The following SPAG16 variants were observed in gnomAD, a reference collection of about 807,000 sequenced individuals.
The protein encoded by SPAG16 is sperm-associated antigen 16 protein.
SPAG16 carries 86 observed loss-of-function variants against 80.4 expected under a neutral mutation model. The ratio of observed to expected loss-of-function variants is 1.07; its 90% CI spans 0.90 to 1.28. SPAG16 has a LOEUF of 1.28. Ranked by LOEUF, SPAG16 falls within the 50% of genes most tolerant of loss-of-function variation. The probability of loss-of-function intolerance (pLI) is 0.00; values close to 1 mark genes in which losing one functional copy is unlikely to be tolerated. For synonymous variants in SPAG16, 294 were observed against 265.9 expected (o/e 1.11, Z -1.03); for missense variants, 870 against 765.3 (o/e 1.14, Z -1.61).
intron 10 of SPAG16, among the ~76,000 whole-genome samples, chr2:213,718,914 G>C (rs1239363610): frequency 6.6e-6 from 1 of 152,228 alleles, no homozygotes; most frequent in Non-Finnish European, 1.5e-5. Context: ...TCCACCTGCA[G>C]CCCTGGTGCG....
chr2:213,726,324 C>T (rs931019133), intron 10 of SPAG16, among the ~76,000 whole-genome samples: 1 of 152,212 alleles, frequency 6.6e-6, no homozygotes, highest in African/African-American at 2.4e-5. Flanking sequence ...TCCAGTCCTC[C>T]ACAGTGAGCT....
At chr2:213,294,358 A>G (rs1180809711) in intron 1 of SPAG16, among the ~76,000 whole-genome samples, 1 of 152,212 alleles carries the variant, frequency 6.6e-6, no homozygotes, top group Non-Finnish European at 1.5e-5. Context: ...AAGCCTTATG[A>G]TCTTTAAAGA....
In SPAG16 at chr2:213,517,172, C is replaced by T. The variant is rs192876896; in HGVS notation, c.1070+27082C>T. On this transcript the variant is annotated intron_variant, in intron 10 of 15. Transcript: ENST00000331683. The stretch of plus-strand genomic sequence containing the variant: ...TATTTCTATATACCAGTAATGCCCA[C>T]GCTGAGAGTCAAATCAAGAGCATGA... Among the ~76,000 whole-genome samples the T allele has an allele frequency of 5.9e-5, 9 of 152,136 alleles. No homozygotes were observed. In the East Asian group the frequency reaches 1.4e-3, roughly 23 times the overall value.
chr2:213,932,617 G>C (rs2078815139), intron 12 of SPAG16, among the ~76,000 whole-genome samples: 1 of 152,076 alleles, frequency 6.6e-6, no homozygotes, highest in Admixed American at 6.6e-5. Flanking sequence ...TTTCCTTCAA[G>C]CTTCTGGCTC....
intron 10 of SPAG16, among the ~76,000 whole-genome samples, chr2:213,574,655 A>G (rs2060052489): frequency 6.9e-6 from 1 of 144,478 alleles, no homozygotes; most frequent in South Asian, 2.1e-4. Flanking sequence ...TATATCATAT[A>G]TATGATATAT....
At chr2:213,814,622 T>C (rs2072397805) in intron 10 of SPAG16, among the ~76,000 whole-genome samples, 1 of 152,052 alleles carries the variant, frequency 6.6e-6, no homozygotes, top group African/African-American at 2.4e-5. Context: ...AAACCCTGCC[T>C]CTACTAAAAA....
At chr2:214,068,167 CAA>C (rs1214160067) in intron 13 of SPAG16, among the ~76,000 whole-genome samples, 3 of 151,984 alleles carry the variant, frequency 2.0e-5, no homozygotes, top group Non-Finnish European at 2.9e-5. Context: ...AAAATGGAAA[CAA>C]TGATGCAAAT....
At chr2:213,401,689 G>T (rs558902823) in intron 9 of SPAG16, among the ~76,000 whole-genome samples, 1 of 151,966 alleles carries the variant, frequency 6.6e-6, no homozygotes, top group African/African-American at 2.4e-5. Context: ...CATTTATCTG[G>T]TGATTTTGTC....
chr2:214,021,986 G>T (rs938845796), intron 13 of SPAG16, among the ~76,000 whole-genome samples: 1 of 152,026 alleles, frequency 6.6e-6, no homozygotes, highest in African/African-American at 2.4e-5. Flanking sequence ...CATCCTTAAA[G>T]GTTCACTTCA....
At chr2:213,360,646 A>G (rs2065927434) in intron 7 of SPAG16, among the ~76,000 whole-genome samples, 1 of 152,236 alleles carries the variant, frequency 6.6e-6, no homozygotes. Context: ...CATACTAATC[A>G]GGTATATCCT....
At position 214,267,148 on chromosome 2, in the gene SPAG16, A is replaced by C. The variant is rs200463792; in HGVS notation, c.1720+117882A>C. Among the ~76,000 whole-genome samples, 20 of 151,988 alleles carry C rather than the reference A, an allele frequency of 1.3e-4. No homozygotes were observed. The East Asian group carries it at 3.1e-3, about 23-fold the overall frequency. On this transcript the variant is annotated intron_variant, in intron 15 of 15. Transcript: ENST00000331683. ...AACTAAAGTAACTTTTACCAAAAAG[A>C]TAAAAAGCTAAAAAGATTTTTAAAA...
At chr2:214,152,715 A>T (rs530845792) in intron 15 of SPAG16, among the ~76,000 whole-genome samples, 2 of 152,262 alleles carry the variant, frequency 1.3e-5, no homozygotes, top group South Asian at 4.1e-4. Flanking sequence ...TATTGGATAC[A>T]AAGCAAAAGG....
intron 10 of SPAG16, among the ~76,000 whole-genome samples, chr2:213,750,221 A>T (rs2068018906): frequency 6.6e-6 from 1 of 152,238 alleles, no homozygotes; most frequent in South Asian, 2.1e-4. Flanking sequence ...TAACATTGCT[A>T]CAGTTATGCA....
chr2:213,335,628 T>C (rs2064319358), intron 5 of SPAG16, among the ~76,000 whole-genome samples: 1 of 152,162 alleles, frequency 6.6e-6, no homozygotes, highest in East Asian at 1.9e-4. Context: ...CAGAAAAGAA[T>C]AAATTGTTTA....
chr2:213,607,777 T>C (rs2061313755), intron 10 of SPAG16, among the ~76,000 whole-genome samples: 1 of 152,224 alleles, frequency 6.6e-6, no homozygotes, highest in Non-Finnish European at 1.5e-5. Flanking sequence ...GGTTTCATTT[T>C]ATTTTTCCTG....
At chr2:214,354,825 C>T (rs1000910086) in intron 15 of SPAG16, among the ~76,000 whole-genome samples, 1 of 152,064 alleles carries the variant, frequency 6.6e-6, no homozygotes, top group Non-Finnish European at 1.5e-5. Flanking sequence ...TATAAGAATG[C>T]TTGTGATTTT....
chr2:214,244,545 C>G (rs116103249), intron 15 of SPAG16, among the ~76,000 whole-genome samples: 3,428 of 151,892 alleles, frequency 0.023, 85 homozygotes, highest in African/African-American at 0.059. Context: ...AAAAACAAAC[C>G]CACAAAAAAT....
chr2:213,436,156 G>C (rs1191381314), intron 9 of SPAG16, among the ~76,000 whole-genome samples: 1 of 152,180 alleles, frequency 6.6e-6, no homozygotes, highest in Non-Finnish European at 1.5e-5. Context: ...GGTGTTTAAT[G>C]TTAAATCATT....
intron 9 of SPAG16, among the ~76,000 whole-genome samples, chr2:213,441,675 T>A (rs2070965149): frequency 1.3e-5 from 2 of 152,182 alleles, no homozygotes; most frequent in African/African-American, 4.8e-5. Flanking sequence ...CAAAAGACAT[T>A]GGGAAGAAAT....
Sources: gnomAD v4.1 joint callset for allele counts (sites outside exome capture counted in the v4.1 genomes callset) on GRCh38, gnomAD v4.1.1 for gene constraint, MANE v1.5 for transcripts, NCBI Gene and HGNC (gene_info 2026-07-23, HGNC 2026-07-21) for gene names.